The following LMF1 variants were observed in gnomAD, a reference collection of about 807,000 sequenced individuals.
The protein encoded by LMF1 is lipase maturation factor 1, also known as transmembrane protein 112.
A neutral mutation model predicts 60.6 loss-of-function variants in LMF1; 68 were observed. That is an observed-to-expected ratio of 1.12 (90% CI 0.92 to 1.37). The LOEUF (loss-of-function observed/expected upper bound fraction) is 1.37, where lower values mean the gene tolerates loss of function less well. Among genes scored for constraint, LMF1 ranks in the 40% most tolerant of loss-of-function variants. The probability of loss-of-function intolerance (pLI) is 0.00; values close to 1 mark genes in which losing one functional copy is unlikely to be tolerated. For synonymous variants in LMF1, 418 were observed against 324.7 expected, an observed-to-expected ratio of 1.29 and a Z score of -3.09; for missense variants, 948 against 767.2, an observed-to-expected ratio of 1.24 and a Z score of -2.78.
intron 1 of LMF1, chr16:981,127 C>T (rs1352149912): frequency 2.3e-6 from 1 of 428,654 alleles, no homozygotes; most frequent in Non-Finnish European, 4.7e-6. Flanking sequence ...CGAGCCGCGG[C>T]CCCTTGAAGC....
intron 3 of LMF1, among the ~76,000 whole-genome samples, chr16:925,845 C>A (rs1011432721): frequency 6.6e-6 from 1 of 152,246 alleles, no homozygotes; most frequent in Admixed American, 6.5e-5. Flanking sequence ...TAATATGGCC[C>A]TGTTTGAGTA....
At chr16:861,240 C>T (rs1018852985) in intron 10 of LMF1, among the ~76,000 whole-genome samples, 5 of 151,622 alleles carry the variant, frequency 3.3e-5, no homozygotes, top group African/African-American at 1.2e-4. Context: ...AGTGGTTCTG[C>T]GTATTTAATT....
chr16:864,043 G>GTGTT (rs1194387086), intron 10 of LMF1, among the ~76,000 whole-genome samples: 1 of 152,168 alleles, frequency 6.6e-6, no homozygotes, highest in Admixed American at 6.5e-5. Context: ...TGAAAGAAGG[G>GTGTT]TGTTGAAACA....
chr16:858,908 C>T (rs187447244), intron 10 of LMF1, among the ~76,000 whole-genome samples: 4 of 66,712 alleles, frequency 6.0e-5, no homozygotes, highest in Admixed American at 1.7e-4. Flanking sequence ...TGTCTCGGGA[C>T]GGGTGTGCAG....
At chr16:980,150 C>T (rs1037960321) in intron 1 of LMF1, 2 of 224,020 alleles carry the variant, frequency 8.9e-6, no homozygotes, top group Non-Finnish European at 1.8e-5. Flanking sequence ...TGAGACCGCC[C>T]TCCGGGCAGG....
intron 3 of LMF1, among the ~76,000 whole-genome samples, chr16:914,524 GAC>G (rs945737839): frequency 2.8e-5 from 2 of 70,444 alleles, no homozygotes; most frequent in African/African-American, 1.1e-4. Context: ...GACCATTGGT[GAC>G]ACACTCCCTC....
intron 1 of LMF1, among the ~76,000 whole-genome samples, chr16:970,340 G>A (rs916689347): frequency 1.3e-5 from 2 of 152,184 alleles, no homozygotes; most frequent in African/African-American, 2.4e-5. Flanking sequence ...CGCTGTGTCG[G>A]GGACAGCAGG....
chr16:963,261 C>G (rs2072850866), intron 1 of LMF1, among the ~76,000 whole-genome samples: 1 of 152,126 alleles, frequency 6.6e-6, no homozygotes, highest in Non-Finnish European at 1.5e-5. Context: ...GAGCGCTGAC[C>G]TCCTAGCAAC....
Position 871,279 on chromosome 16 carries a change from C to A in LMF1, c.960G>T (p.Leu320=). The A allele has an allele frequency of 6.2e-7, 1 of 1,612,616 alleles. No homozygotes were observed. Among genetic ancestry groups the A allele is most frequent in the Non-Finnish European group, 8.5e-7 (1 of 1,179,816 alleles). The change falls in exon 7 of 11, where the codon CTG becomes CTT. Residue 320 remains leucine (L), a synonymous_variant. Coordinates refer to ENST00000262301, the MANE Select transcript of LMF1 (RefSeq NM_022773.4). ...CCAGGGTGGCGTCATCAAAGCAGGC[C>A]AGGCTGGGCACCATAGTCAGCCAGT... The part of the protein sequence containing the change: ...FLNWLTMVPS[L]ACFDDATLGF...
rs146805118 is a variant in LMF1, at chr16:863,250, C to T, written c.1529+5694G>A. 3.2e-3 allele frequency among the ~76,000 whole-genome samples: 490 copies of T among 152,318 alleles called. 4 individuals carry two copies. Among genetic ancestry groups the T allele is most frequent in the African/African-American group, 0.011 (462 of 41,582 alleles). On this transcript the variant is annotated intron_variant, in intron 10 of 10. Transcript: ENST00000262301. ...CTGCAGTCTCGGCTCGAGCAATTCT[C>T]GTGTTTCAGCCTCCCAAGTAGCTGG...
At chr16:919,197 C>T (rs1330809840) in intron 3 of LMF1, among the ~76,000 whole-genome samples, 5 of 152,108 alleles carry the variant, frequency 3.3e-5, no homozygotes, top group East Asian at 3.9e-4. Context: ...TCGGCGTTTC[C>T]AGGTGTGCTC....
chr16:902,027 G>C (rs920306706), intron 4 of LMF1: 5 of 152,444 alleles, frequency 3.3e-5, no homozygotes, highest in African/African-American at 1.2e-4. Context: ...CTGGCCACCA[G>C]CACTGGGGCC....
chr16:923,334 T>C (rs2071497248), intron 3 of LMF1, among the ~76,000 whole-genome samples: 2 of 152,108 alleles, frequency 1.3e-5, no homozygotes, highest in Non-Finnish European at 2.9e-5. Flanking sequence ...TTCCTCCCCA[T>C]TGCGTGGCTT....
Position 870,782 on chromosome 16 carries a change from C to T in LMF1, c.1179G>A (p.Met393Ile), listed in dbSNP as rs1241056699. 6.2e-7 allele frequency: 1 copy of T among 1,612,926 alleles called. No homozygotes were observed. The highest frequency in any genetic ancestry group is 1.7e-5 in the Admixed American group (1 of 60,024). Residue 393 changes from methionine to isoleucine, a missense_variant, in exon 8 of 11, where the codon ATG becomes ATA. By Grantham distance (10) the Met-to-Ile change is conservative. Transcript: ENST00000262301. ...TGTGAAGAGAGTTGAAGTGGGTGTT[C>T]ATGACCTGCCTGGAGCTCAGCAAGT... The part of the protein sequence containing the change: ...VLNLLSSRQV[M>I]NTHFNSLHIV...
In LMF1 at chr16:878,708, C is replaced by T. The variant is rs8044922; in HGVS notation, c.897+862G>A. ...GACGGAGCTTTGCCCCTCTAGGCGG[C>T]GGTGCTCTGGCAGGGGTGGGCAGGG... On this transcript the variant is annotated intron_variant, in intron 6 of 10. Coordinates refer to ENST00000262301, the MANE Select transcript of LMF1 (RefSeq NM_022773.4). This position sits in a 1 kb window ranked among gnomAD's most constrained non-coding sequence, Gnocchi z 5.2. Among the ~76,000 whole-genome samples the T allele has an allele frequency of 0.15, 17,987 of 117,282 alleles. 1,304 individuals are homozygous for T. The highest frequency in any genetic ancestry group is 0.26 in the African/African-American group (8,079 of 31,436). 76.9% of individuals were successfully genotyped at this position (117,282 alleles called of 152,430 possible).
At chr16:936,460 C>T (rs1475789666) in intron 2 of LMF1, among the ~76,000 whole-genome samples, 2 of 138,288 alleles carry the variant, frequency 1.4e-5, no homozygotes, top group African/African-American at 2.8e-5. Flanking sequence ...GGAGGGAGGG[C>T]ACCCCGTGGG....
chr16:967,098 C>T (rs184194469), intron 1 of LMF1, among the ~76,000 whole-genome samples: 19 of 152,364 alleles, frequency 1.2e-4, no homozygotes, highest in Admixed American at 1.2e-3. Context: ...AGCTCTACCA[C>T]TGGCGCTGTA....
intron 2 of LMF1, among the ~76,000 whole-genome samples, chr16:952,908 C>T (rs796733788): frequency 3.5e-3 from 260 of 74,432 alleles, no homozygotes; most frequent in African/African-American, 0.012. Flanking sequence ...CCAAACCAGC[C>T]TCCTACACGT....
chr16:896,588 G>C (rs527376622), intron 4 of LMF1, among the ~76,000 whole-genome samples: 2 of 152,144 alleles, frequency 1.3e-5, no homozygotes, highest in African/African-American at 4.8e-5. Context: ...CCAGCTGACC[G>C]GGCGGAGAAG....
Sources: allele counts gnomAD v4.1 joint callset (sites outside exome capture counted in the v4.1 genomes callset), GRCh38; gene constraint gnomAD v4.1.1; non-coding constraint Gnocchi (gnomAD v3.1); transcripts MANE v1.5; gene names NCBI Gene and HGNC (gene_info 2026-07-23, HGNC 2026-07-21).